The following THSD4 variants were observed in gnomAD, a reference collection of about 807,000 sequenced individuals.
THSD4 encodes thrombospondin type-1 domain-containing protein 4.
In THSD4, 69 loss-of-function variants were observed where a neutral mutation model predicts 119.0. That is an observed-to-expected ratio of 0.58 (90% CI 0.48 to 0.71). The LOEUF (loss-of-function observed/expected upper bound fraction) is 0.71. THSD4 is among the 30% of genes least tolerant of loss of function. THSD4 has a pLI of 0.00. For missense variants in THSD4, 1,393 were observed against 1,391.1 expected, an observed-to-expected ratio of 1.00 and a Z score of -0.02; for synonymous variants, 524 against 540.4, an observed-to-expected ratio of 0.97 and a Z score of 0.42.
chr15:71,611,830 A>C (rs950654686), intron 7 of THSD4, among the ~76,000 whole-genome samples: 4 of 152,180 alleles, frequency 2.6e-5, no homozygotes, highest in African/African-American at 7.2e-5. Flanking sequence ...AGGATTAAGG[A>C]ACAGAGAATA....
intron 6 of THSD4, among the ~76,000 whole-genome samples, chr15:71,267,316 T>C (rs1036585233): frequency 2.0e-5 from 3 of 152,194 alleles, no homozygotes; most frequent in African/African-American, 7.2e-5. Flanking sequence ...TCAACATTCT[T>C]AAAGAAAAGA....
chr15:71,282,223 G>T (rs898322983), intron 6 of THSD4, among the ~76,000 whole-genome samples: 1 of 151,946 alleles, frequency 6.6e-6, no homozygotes, highest in Non-Finnish European at 1.5e-5. Context: ...TCTCTCTGTG[G>T]ACTATTGCGC....
chr15:71,136,241 G>A (rs561499264), intron 1 of THSD4, among the ~76,000 whole-genome samples: 55 of 152,154 alleles, frequency 3.6e-4, no homozygotes, highest in African/African-American at 1.3e-3. Flanking sequence ...AAAGTGGTTT[G>A]GAACTGCCCT....
At chr15:71,625,452 A>G (rs993013506) in intron 7 of THSD4, among the ~76,000 whole-genome samples, 8 of 152,236 alleles carry the variant, frequency 5.3e-5, no homozygotes, top group African/African-American at 1.9e-4. Flanking sequence ...CCATGTAGAA[A>G]TGAGAAAGAA....
At chr15:71,678,011 G>A (rs2051688123) in intron 8 of THSD4, among the ~76,000 whole-genome samples, 1 of 152,204 alleles carries the variant, frequency 6.6e-6, no homozygotes, top group African/African-American at 2.4e-5. Flanking sequence ...AGCGCCTAAG[G>A]ACAGCATCTT....
In THSD4 at chr15:71,227,716, C is replaced by G. The variant is rs535616783; in HGVS notation, c.464+12317C>G. On this transcript the variant is annotated intron_variant, in intron 4 of 17. Coordinates refer to ENST00000261862, the MANE Select transcript of THSD4 (RefSeq NM_024817.3). Reference sequence around the variant, plus strand: ...GGAATGGGATTTGAGTGCAGGGTTCCCTGACTCTAACATCCTTGCTCTTCT... The same window carrying G: ...GGAATGGGATTTGAGTGCAGGGTTCGCTGACTCTAACATCCTTGCTCTTCT... Among the ~76,000 whole-genome samples, 3 of 152,264 alleles carry G rather than the reference C, an allele frequency of 2.0e-5. No homozygotes were observed. The East Asian group carries it at 5.8e-4, about 29-fold the overall frequency.
In THSD4 at chr15:71,400,987, T is replaced by C. The variant is rs79388208; in HGVS notation, c.1016-10700T>C. On this transcript the variant is annotated intron_variant, in intron 6 of 17. Coordinates refer to ENST00000261862, the MANE Select transcript of THSD4 (RefSeq NM_024817.3). ...ATGTTTATGCACAGAATCTCCTCTT[T>C]TCGTACCTGAGTTTTTCTCTCCACT... Among the ~76,000 whole-genome samples, 643 of 152,278 alleles carry C rather than the reference T, an allele frequency of 4.2e-3. 7 individuals are homozygous for C. Among genetic ancestry groups the C allele is most frequent in the African/African-American group, 0.015 (613 of 41,564 alleles).
chr15:71,684,758 G>A (rs1482631803), intron 8 of THSD4, among the ~76,000 whole-genome samples: 1 of 151,990 alleles, frequency 6.6e-6, no homozygotes, highest in Non-Finnish European at 1.5e-5. Flanking sequence ...CCTCTCTGAG[G>A]TGGAGGTTAG....
chr15:71,558,665 C>T (rs1394910188), intron 7 of THSD4, among the ~76,000 whole-genome samples: 1 of 151,958 alleles, frequency 6.6e-6, no homozygotes, highest in East Asian at 1.9e-4. Context: ...GAGATGGGGT[C>T]TTTCTATGTT....
At chr15:71,484,906 A>G (rs891746215) in intron 7 of THSD4, among the ~76,000 whole-genome samples, 2 of 152,164 alleles carry the variant, frequency 1.3e-5, no homozygotes, top group African/African-American at 4.8e-5. Flanking sequence ...GAGTTTGCTT[A>G]AGACGTCCCA....
chr15:71,391,623 G>A (rs1011335389), intron 6 of THSD4, among the ~76,000 whole-genome samples: 6 of 152,196 alleles, frequency 3.9e-5, no homozygotes, highest in South Asian at 2.1e-4. Flanking sequence ...AAGGGCGGGC[G>A]ACCAGGGTTC....
chr15:71,113,976 A>G (rs973398854), upstream of THSD4, among the ~76,000 whole-genome samples: 15 of 151,850 alleles, frequency 9.9e-5, no homozygotes, highest in Non-Finnish European at 1.6e-4. Context: ...TATTTACTAG[A>G]GCTGTTAGAT....
At chr15:71,314,902 C>T (rs1196569688) in intron 6 of THSD4, among the ~76,000 whole-genome samples, 1 of 152,184 alleles carries the variant, frequency 6.6e-6, no homozygotes, top group African/African-American at 2.4e-5. Context: ...TATAAACTTA[C>T]ACTGTCAAGT....
Position 71,740,668 on chromosome 15 carries a change from C to T in THSD4, c.1906+2661C>T, listed in dbSNP as rs367670611. On this transcript the variant is annotated intron_variant, in intron 11 of 17. Transcript: ENST00000261862. ...TTTTTGCCCCCACAACCCATCCGCACGCTGTGTCATCCACACTGAGGTATG... is the reference window on the plus strand; with the variant it reads ...TTTTTGCCCCCACAACCCATCCGCATGCTGTGTCATCCACACTGAGGTATG... 1.4e-4 allele frequency among the ~76,000 whole-genome samples: 22 copies of T among 152,262 alleles called. 1 individual carries two copies. Among genetic ancestry groups the T allele is most frequent in the Admixed American group, 7.2e-4 (11 of 15,296 alleles).
intron 7 of THSD4, among the ~76,000 whole-genome samples, chr15:71,465,274 A>G (rs2047483966): frequency 6.6e-6 from 1 of 152,216 alleles, no homozygotes. Context: ...CAGTCATTAC[A>G]TAATAGTCAT....
chr15:71,698,635 G>A (rs755565440), intron 8 of THSD4, among the ~76,000 whole-genome samples: 1 of 148,568 alleles, frequency 6.7e-6, no homozygotes, highest in African/African-American at 2.5e-5. Flanking sequence ...ATATATACAT[G>A]CATGTATATA....
intron 7 of THSD4, among the ~76,000 whole-genome samples, chr15:71,494,086 T>C (rs977853546): frequency 2.0e-5 from 3 of 152,166 alleles, no homozygotes; most frequent in Non-Finnish European, 4.4e-5. Flanking sequence ...TTGAAGATTG[T>C]GAGGGCCAAT....
At chr15:71,256,757 C>A in intron 6 of THSD4, 42 bp downstream of exon 6, 23 of 1,566,726 alleles carry the variant, frequency 1.5e-5, no homozygotes, top group Non-Finnish European at 1.8e-5. Context: ...TTACTTTAGT[C>A]TGTTTTCCAT....
chr15:71,125,646 G>A (rs1018529907), intron 1 of THSD4, among the ~76,000 whole-genome samples: 2 of 152,194 alleles, frequency 1.3e-5, no homozygotes, highest in Non-Finnish European at 2.9e-5. Flanking sequence ...CCCCAGGTCC[G>A]AAGAAGGCGC....
Sources: gnomAD v4.1 joint callset for allele counts (sites outside exome capture counted in the v4.1 genomes callset) on GRCh38, gnomAD v4.1.1 for gene constraint, MANE v1.5 for transcripts, NCBI Gene and HGNC (gene_info 2026-07-23, HGNC 2026-07-21) for gene names.